PDGFD: variants seen among roughly 807,000 people sequenced by gnomAD.
The protein encoded by PDGFD is platelet-derived growth factor D.
Under a neutral mutation model 44.7 loss-of-function variants are expected in PDGFD, and 30 were observed. That is an observed-to-expected ratio of 0.67 (90% CI 0.50 to 0.91). PDGFD has a LOEUF of 0.91. Ranked by LOEUF, PDGFD falls within the 40% of genes least tolerant of loss-of-function variation. The probability of loss-of-function intolerance (pLI) is 0.00; values close to 1 mark genes in which losing one functional copy is unlikely to be tolerated. For missense variants in PDGFD, 445 were observed against 457.8 expected (o/e 0.97, Z 0.25); for synonymous variants, 173 against 168.4 (o/e 1.03, Z -0.21).
rs1859597223 is a variant in PDGFD, at chr11:104,000,054, C to A, written c.326G>T (p.Cys109Phe). 1.2e-6 allele frequency: 2 copies of A among 1,613,668 alleles called. No individual in the cohort carries two copies. Among genetic ancestry groups the A allele is most frequent in the African/African-American group, 2.7e-5 (2 of 74,876 alleles). Residue 109 changes from cysteine to phenylalanine, a missense_variant, in exon 2 of 7, where the codon TGT (cysteine) becomes TTT (phenylalanine). By Grantham distance (205) the Cys-to-Phe change is radical (BLOSUM62 -2). Transcript: ENST00000393158. ...FGLEEAENDI[C>F]RYDFVEVEDI... is the part of the protein sequence containing the mutation. ...AAAAATTTTTTTCCCAACTTACCTA[C>A]AGATATCATTTTCTGCTTCCTCTAA...
At chr11:104,093,604 C>T (rs966201316) in intron 1 of PDGFD, among the ~76,000 whole-genome samples, 1 of 151,842 alleles carries the variant, frequency 6.6e-6, no homozygotes, top group African/African-American at 2.4e-5. Context: ...TTTGCTCTTT[C>T]CTCCCTCATA....
chr11:104,108,031 T>C (rs771262522), intron 1 of PDGFD, among the ~76,000 whole-genome samples: 1 of 152,120 alleles, frequency 6.6e-6, no homozygotes, highest in Non-Finnish European at 1.5e-5. Context: ...CTTACAGAGA[T>C]TGCAGATGAT....
chr11:103,941,597 A>C (rs964575665), intron 5 of PDGFD, among the ~76,000 whole-genome samples: 1 of 152,106 alleles, frequency 6.6e-6, no homozygotes, highest in Admixed American at 6.6e-5. Context: ...CACATTGCCA[A>C]TAAGAAAACT....
At chr11:103,962,191 A>C (rs762614863) in intron 3 of PDGFD, among the ~76,000 whole-genome samples, 1 of 152,168 alleles carries the variant, frequency 6.6e-6, no homozygotes, top group Non-Finnish European at 1.5e-5. Flanking sequence ...ATTAGGAGTC[A>C]TTCCTTATTT....
intron 5 of PDGFD, among the ~76,000 whole-genome samples, chr11:103,939,537 T>C (rs1321244962): frequency 1.3e-5 from 2 of 152,170 alleles, no homozygotes; most frequent in Non-Finnish European, 2.9e-5. Context: ...CCTAATTGAA[T>C]ACCCTTTATT....
In PDGFD at chr11:104,147,002, TA is replaced by T. The variant is rs10700137; in HGVS notation, c.124+16801del. Among the ~76,000 whole-genome samples, 812 of 133,598 alleles carry T rather than the reference TA, an allele frequency of 6.1e-3. 1 individual carries two copies. The highest frequency in any genetic ancestry group is 9.1e-3 in the South Asian group (38 of 4,168). 87.6% of individuals were successfully genotyped at this position (133,598 alleles called of 152,430 possible). On this transcript the variant is annotated intron_variant, in intron 1 of 6. Coordinates refer to ENST00000393158, the MANE Select transcript of PDGFD (RefSeq NM_025208.5). ...GTACACACCAGGCACCGGGGCATAC[TA>T]AAAAAAAAAAAAAAAATAGTTGTTT...
chr11:104,094,301 A>C (rs1418292755), intron 1 of PDGFD, among the ~76,000 whole-genome samples: 1 of 151,938 alleles, frequency 6.6e-6, no homozygotes, highest in Non-Finnish European at 1.5e-5. Flanking sequence ...CGATCCTCAA[A>C]GTTGGAATTC....
chr11:104,083,778 C>T (rs2134431140), intron 1 of PDGFD, among the ~76,000 whole-genome samples: 1 of 152,268 alleles, frequency 6.6e-6, no homozygotes, highest in South Asian at 2.1e-4. Flanking sequence ...TGATATATTT[C>T]CACACTGGCA....
intron 1 of PDGFD, among the ~76,000 whole-genome samples, chr11:104,019,917 C>A (rs569345791): frequency 4.8e-4 from 73 of 152,104 alleles, no homozygotes; most frequent in Non-Finnish European, 7.5e-4. Flanking sequence ...CCTTCATCTA[C>A]AAAATAGTGA....
chr11:103,932,122 T>C (rs1327188433), intron 5 of PDGFD, among the ~76,000 whole-genome samples: 2 of 152,198 alleles, frequency 1.3e-5, no homozygotes, highest in Non-Finnish European at 2.9e-5. Context: ...ATTATAGCAT[T>C]TACTTCATAG....
chr11:104,077,959 T>A (rs1860989957), intron 1 of PDGFD, among the ~76,000 whole-genome samples: 1 of 152,180 alleles, frequency 6.6e-6, no homozygotes, highest in Admixed American at 6.6e-5. Flanking sequence ...CATGCTGCCC[T>A]ATGGTCTCTC....
In PDGFD at chr11:103,968,227, G is replaced by C. The variant is rs533002460; in HGVS notation, c.511-20503C>G. On this transcript the variant is annotated intron_variant, in intron 3 of 6. Transcript: ENST00000393158. ...AATTGTCAGCATTTCCCAGCACTCT[G>C]TTACTCAATACTTGGCACCTGAGTA... Among the ~76,000 whole-genome samples the C allele has an allele frequency of 2.0e-5, 3 of 152,190 alleles. No individual in the cohort carries two copies. The South Asian group carries it at 6.2e-4, about 32-fold the overall frequency.
At chr11:104,130,904 A>G (rs1861910343) in intron 1 of PDGFD, among the ~76,000 whole-genome samples, 2 of 152,186 alleles carry the variant, frequency 1.3e-5, no homozygotes, top group Non-Finnish European at 2.9e-5. Context: ...TAAGATGCAC[A>G]TTATCTTGTG....
intron 1 of PDGFD, among the ~76,000 whole-genome samples, chr11:104,136,793 G>A (rs1238288990): frequency 6.6e-6 from 1 of 152,062 alleles, no homozygotes; most frequent in Non-Finnish European, 1.5e-5. Flanking sequence ...ATACCAATCT[G>A]TCATCACTTT....
At chr11:104,102,487 A>G (rs986898903) in intron 1 of PDGFD, among the ~76,000 whole-genome samples, 4 of 152,196 alleles carry the variant, frequency 2.6e-5, no homozygotes, top group Non-Finnish European at 5.9e-5. Context: ...GTGGGACTGT[A>G]AACTAGTTCA....
chr11:104,015,836 C>G (rs561489697), intron 1 of PDGFD, among the ~76,000 whole-genome samples: 1 of 152,250 alleles, frequency 6.6e-6, no homozygotes, highest in African/African-American at 2.4e-5. Flanking sequence ...TGGTTAAAAA[C>G]AGAGACACAG....
At chr11:103,950,043 G>A (rs1565292769) in intron 3 of PDGFD, among the ~76,000 whole-genome samples, 2 of 152,140 alleles carry the variant, frequency 1.3e-5, no homozygotes, top group South Asian at 2.1e-4. Flanking sequence ...GATGTTCGGG[G>A]GGAAGTTTGC....
intron 6 of PDGFD, among the ~76,000 whole-genome samples, chr11:103,921,728 CAAGAAG>C (rs977259678): frequency 6.6e-6 from 1 of 151,066 alleles, no homozygotes; most frequent in Non-Finnish European, 1.5e-5. Context: ...TACCTTAGAA[CAAGAAG>C]AAGTCATTTT....
At position 104,033,049 on chromosome 11, in the gene PDGFD, G is replaced by GGTGTGTGT. The variant is rs34144830; in HGVS notation, c.125-32802_125-32795dup. Among the ~76,000 whole-genome samples the GGTGTGTGT allele has an allele frequency of 7.2e-3, 1,058 of 146,324 alleles. 5 individuals are homozygous for GGTGTGTGT. The highest frequency in any genetic ancestry group is 0.021 in the Middle Eastern group (6 of 282). ...GGTATAACAACAGTTTATGTTTAGG[G>GGTGTGTGT]GTGTGTGTGTGTGTGTGTGTGTGTG... On this transcript the variant is annotated intron_variant, in intron 1 of 6. Coordinates refer to ENST00000393158, the MANE Select transcript of PDGFD (RefSeq NM_025208.5).
Sources: gnomAD v4.1 joint callset for allele counts (sites outside exome capture counted in the v4.1 genomes callset) on GRCh38, gnomAD v4.1.1 for gene constraint, MANE v1.5 for transcripts, NCBI Gene and HGNC (gene_info 2026-07-23, HGNC 2026-07-21) for gene names.